Variants in CPNE2 observed in about 807,000 individuals in gnomAD.
CPNE2 encodes copine 2.
A neutral mutation model predicts 69.7 loss-of-function variants in CPNE2; 42 were observed. That is an observed-to-expected ratio of 0.60 (90% CI 0.47 to 0.78). The LOEUF (loss-of-function observed/expected upper bound fraction) is 0.78. CPNE2 is among the 30% of genes least tolerant of loss of function. The probability of loss-of-function intolerance (pLI) is 0.00; values close to 1 mark genes in which losing one functional copy is unlikely to be tolerated. For synonymous variants in CPNE2, 294 were observed against 289.8 expected (o/e 1.01, Z -0.15); for missense variants, 587 against 732.0 (o/e 0.80, Z 2.29).
At chr16:57,132,839 C>T (rs1332217341) in intron 12 of CPNE2, among the ~76,000 whole-genome samples, 1 of 152,152 alleles carries the variant, frequency 6.6e-6, no homozygotes, top group Non-Finnish European at 1.5e-5. Flanking sequence ...AATGGAGTTG[C>T]TGGAGGAGAC....
At position 57,137,391 on chromosome 16, in the gene CPNE2, G is replaced by C. The variant is rs935791414; in HGVS notation, c.1302+109G>C. The C allele has an allele frequency of 3.6e-6, 5 of 1,379,388 alleles. No individual in the cohort carries two copies. In the South Asian group the frequency reaches 6.8e-5, roughly 19 times the overall value. The allele number at this position is 1,379,388 out of a possible 1,614,324, so 85.4% of individuals were successfully genotyped here. ...GCTTTAAATCCTAGTGGACACCTCT[G>C]GGCCTTGCTTTACCTTCACGTATTG... On this transcript the variant is annotated intron_variant, in intron 14 of 15. Coordinates refer to ENST00000290776, the MANE Select transcript of CPNE2 (RefSeq NM_152727.6).
At position 57,129,869 on chromosome 16, in the gene CPNE2, A is replaced by T. The variant is rs116106975; in HGVS notation, c.1116+1966A>T. On this transcript the variant is annotated intron_variant, in intron 12 of 15. Transcript: ENST00000290776. ...GTCAATGGGTTTGGGCTCTGGGGAG[A>T]CAGAGAGAGACCTGGCCACCTGGGC... 3.1e-3 allele frequency among the ~76,000 whole-genome samples: 467 copies of T among 151,950 alleles called. 3 individuals carry two copies. Among genetic ancestry groups the T allele is most frequent in the African/African-American group, 0.011 (437 of 41,412 alleles).
chr16:57,110,754 A>G lies in CPNE2; in HGVS notation c.12A>G (p.Ile4Met), dbSNP rs1194813221. The change falls in exon 2 of 16, where the codon ATA (isoleucine) becomes ATG (methionine). Residue 4 changes from isoleucine (I) to methionine (M), a missense_variant. Physicochemically the swap from Ile to Met is conservative, Grantham distance 10. Transcript: ENST00000290776. ...CGCCACCGGCTCCCATGGCCCACAT[A>G]CCCAGTGGGGGTGCCCCAGCAGCGG... MAHIPSGGAPAAGA... is the reference protein window; with the variant it reads MAHMPSGGAPAAGA... 7 of 1,610,784 alleles carry G rather than the reference A, an allele frequency of 4.3e-6. No homozygotes were observed. The African/African-American group carries it at 9.4e-5, about 22-fold the overall frequency.
intron 4 of CPNE2, 113 bp downstream of exon 4, chr16:57,115,663 G>T: frequency 2.8e-6 from 2 of 717,766 alleles, no homozygotes; most frequent in Non-Finnish European, 4.5e-6. Context: ...GAGTAAAAAG[G>T]CCCAACTTAC....
chr16:57,113,919 G>A (rs566647087), intron 3 of CPNE2, among the ~76,000 whole-genome samples: 1 of 152,228 alleles, frequency 6.6e-6, no homozygotes, highest in Non-Finnish European at 1.5e-5. Flanking sequence ...CCTGACACAA[G>A]TCTCAATCAT....
Position 57,124,737 on chromosome 16 carries a change from G to T in CPNE2, c.928-1123G>T, listed in dbSNP as rs182992706. 4 of 243,040 alleles carry T rather than the reference G, an allele frequency of 1.6e-5. No homozygotes were observed. The East Asian group carries it at 4.4e-4, about 27-fold the overall frequency. 15.1% of individuals were successfully genotyped at this position (243,040 alleles called of 1,614,324 possible). A position where few individuals can be genotyped will look rare whatever the true frequency, so the allele number is the denominator to read the frequency against. ...GCCCACCTCCCCATGTTGTCTCACC[G>T]TTCCCCATCACCACCCCTAGATCCT... is the stretch of plus-strand genomic sequence containing the variant. On this transcript the variant is annotated intron_variant, in intron 10 of 15. Transcript: ENST00000290776.
intron 7 of CPNE2, among the ~76,000 whole-genome samples, chr16:57,120,439 CAAA>C (rs11297488): frequency 2.1e-4 from 29 of 137,602 alleles, no homozygotes; most frequent in African/African-American, 7.4e-4. Flanking sequence ...GAGACCGTCT[CAAA>C]AAAAAAAAAA....
In CPNE2 at chr16:57,122,471, G is replaced by T. The variant is rs540645460; in HGVS notation, c.867+711G>T. On this transcript the variant is annotated intron_variant, in intron 9 of 15. Transcript: ENST00000290776. ...ACTCCGTTAAAGGTCAAGATGTCAG[G>T]TTGCAGCCTTGTGATGGATGGTCCT... 4.6e-5 allele frequency among the ~76,000 whole-genome samples: 7 copies of T among 152,364 alleles called. No individual in the cohort carries two copies. The South Asian group carries it at 1.2e-3, about 27-fold the overall frequency.
intron 1 of CPNE2, among the ~76,000 whole-genome samples, chr16:57,095,676 G>C (rs2069574166): frequency 6.6e-6 from 1 of 152,072 alleles, no homozygotes; most frequent in African/African-American, 2.4e-5. Flanking sequence ...TGTTGGTTAG[G>C]CTGGCCTTGA....
intron 12 of CPNE2, among the ~76,000 whole-genome samples, chr16:57,132,415 T>G (rs1193580278): frequency 6.6e-6 from 1 of 152,148 alleles, no homozygotes; most frequent in Non-Finnish European, 1.5e-5. Context: ...GTGGGGAAAC[T>G]GAGGCTCAGA....
rs2069963162 is a variant in CPNE2, at chr16:57,146,940, G to A, written c.1540-611G>A. ...GGAGCAGTCTCTCCACTGTACCGCT[G>A]TACTGTAATGCCACCCCCATACTGC... is the stretch of plus-strand genomic sequence containing the variant. On this transcript the variant is annotated intron_variant, in intron 15 of 15. Transcript: ENST00000290776. This position sits in a 1 kb window ranked among gnomAD's most constrained non-coding sequence, Gnocchi z 4.4. 1 of 154,082 alleles carries A rather than the reference G, an allele frequency of 6.5e-6. No individual in the cohort carries two copies. The highest frequency in any genetic ancestry group is 6.4e-5 in the Admixed American group (1 of 15,654). 9.5% of individuals were successfully genotyped at this position (154,082 alleles called of 1,614,324 possible).
intron 12 of CPNE2, 31 bp from the exon 13 acceptor site, chr16:57,134,744 G>A (rs202102118): frequency 1.2e-6 from 2 of 1,613,574 alleles, no homozygotes; most frequent in Non-Finnish European, 1.7e-6. Context: ...GGGGCGGGAG[G>A]CTGCAGCTCA....
chr16:57,144,356 G>T (rs2069942494), intron 14 of CPNE2: 1 of 152,326 alleles, frequency 6.6e-6, no homozygotes, highest in African/African-American at 2.4e-5. Context: ...TACTTGGGGG[G>T]CAGACAGGAA....
intron 12 of CPNE2, among the ~76,000 whole-genome samples, chr16:57,128,356 A>C (rs1043870773): frequency 1.3e-5 from 2 of 152,058 alleles, no homozygotes; most frequent in African/African-American, 4.8e-5. Flanking sequence ...CAGCCTCCCG[A>C]GTAGCTGGGA....
In CPNE2 at chr16:57,115,426, C is replaced by T. The variant is rs1476974619; in HGVS notation, c.361-50C>T. 7.5e-6 allele frequency: 11 copies of T among 1,468,056 alleles called. 1 individual carries two copies. The highest frequency in any genetic ancestry group is 9.5e-6 in the Non-Finnish European group (10 of 1,055,726). 90.9% of individuals were successfully genotyped at this position (1,468,056 alleles called of 1,614,324 possible). On this transcript the variant is annotated intron_variant, in intron 3 of 15. Transcript: ENST00000290776. The stretch of plus-strand genomic sequence containing the variant: ...GTGCCGGTGGAGGATTTTTCCTTCC[C>T]GGGCTTCCCCCGCTTCCTCACTGAG...
intron 3 of CPNE2, among the ~76,000 whole-genome samples, chr16:57,114,933 C>CAAAAAA (rs2069707214): frequency 6.6e-5 from 2 of 30,418 alleles, no homozygotes; most frequent in Non-Finnish European, 1.1e-4. Flanking sequence ...CTTGTCTCTA[C>CAAAAAA]CAAAAAAAAA....
At position 57,137,228 on chromosome 16, in the gene CPNE2, C is replaced by T. The variant is rs765888461; in HGVS notation, c.1248C>T (p.Ile416=). 5.6e-6 allele frequency: 9 copies of T among 1,614,248 alleles called. No homozygotes were observed. The highest frequency in any genetic ancestry group is 3.3e-5 in the South Asian group (3 of 91,090). The change falls in exon 14 of 16, where the codon ATC becomes ATT. Residue 416 remains isoleucine, a synonymous_variant. Transcript: ENST00000290776. ...RFYGPTNFSP[I]VNHVARFAAQ... is the part of the protein sequence containing the mutation. ...ACGGTCCTACCAATTTCTCCCCCATCGTCAACCACGTGGCCCGGTTTGCGG... is the reference window on the plus strand; with the variant it reads ...ACGGTCCTACCAATTTCTCCCCCATTGTCAACCACGTGGCCCGGTTTGCGG...
At chr16:57,125,783 C>G in intron 10 of CPNE2, 77 bp from the exon 11 acceptor site, 1 of 1,566,724 alleles carries the variant, frequency 6.4e-7, no homozygotes, top group Non-Finnish European at 8.7e-7. Flanking sequence ...TCCCATCTAC[C>G]TCTCCTATTC....
In CPNE2 at chr16:57,094,971, C is replaced by T. The variant is rs150809885; in HGVS notation, c.-36+2181C>T. Among the ~76,000 whole-genome samples, 17 of 152,280 alleles carry T rather than the reference C, an allele frequency of 1.1e-4. No homozygotes were observed. In the East Asian group the frequency reaches 3.1e-3, roughly 28 times the overall value. ...AGGAGGCATCATCGCCAGGCACGGTCCCGATCTGAGAAGCCCTCAGCTCAG... is the reference window on the plus strand; with the variant it reads ...AGGAGGCATCATCGCCAGGCACGGTTCCGATCTGAGAAGCCCTCAGCTCAG... On this transcript the variant is annotated intron_variant, in intron 1 of 15. Transcript: ENST00000290776.
Sources: gnomAD v4.1 joint callset for allele counts (sites outside exome capture counted in the v4.1 genomes callset) on GRCh38, gnomAD v4.1.1 for gene constraint, Gnocchi (gnomAD v3.1) non-coding constraint, MANE v1.5 for transcripts, NCBI Gene and HGNC (gene_info 2026-07-23, HGNC 2026-07-21) for gene names.